Variants in CHLSN observed in about 807,000 individuals in gnomAD.
CHLSN encodes cholesin.
At chr7:1,061,548 G>T in the CHLSN span, among the ~76,000 whole-genome samples, 1 of 152,090 alleles carries the variant, frequency 6.6e-6, no homozygotes, top group African/African-American at 2.4e-5. Flanking sequence ...CTGCGTCGCT[G>T]ACTGTTCCTG....
chr7:1,091,677 C>T, the CHLSN span: 2 of 1,283,446 alleles, frequency 1.6e-6, no homozygotes. Context: ...CCATTTAAAA[C>T]AGAGCTCTGG....
At chr7:1,138,181 G>A in the CHLSN span, 1 of 151,886 alleles carries the variant, frequency 6.6e-6, no homozygotes, top group Non-Finnish European at 1.5e-5. Context: ...GCCGCCCCAC[G>A]CGCCTACCTG....
chr7:982,713 C>G, the CHLSN span, among the ~76,000 whole-genome samples: 1 of 152,240 alleles, frequency 6.6e-6, no homozygotes, highest in Non-Finnish European at 1.5e-5. Context: ...CCGTGGGGAG[C>G]TGATCAGAGA....
At chr7:1,123,997 G>A in the CHLSN span, among the ~76,000 whole-genome samples, 4 of 152,128 alleles carry the variant, frequency 2.6e-5, no homozygotes, top group Non-Finnish European at 4.4e-5. The surrounding 1 kb of genome is among the most constrained non-coding windows in gnomAD (Gnocchi z 4.4). Flanking sequence ...CCAACTCCAC[G>A]CCAGTGGCCG....
the CHLSN span, chr7:1,028,806 C>A: frequency 8.2e-6 from 7 of 855,246 alleles, no homozygotes; most frequent in South Asian, 3.3e-4. Flanking sequence ...CTCCCCCAAT[C>A]TGACTCCATG....
the CHLSN span, among the ~76,000 whole-genome samples, chr7:1,015,516 C>G: frequency 6.6e-6 from 1 of 152,260 alleles, no homozygotes; most frequent in South Asian, 2.1e-4. Context: ...TCTGTTCCAG[C>G]CAGACCTTCC....
the CHLSN span, among the ~76,000 whole-genome samples, chr7:1,109,997 G>A: frequency 6.6e-6 from 1 of 152,186 alleles, no homozygotes; most frequent in Non-Finnish European, 1.5e-5. Flanking sequence ...GTAATGAGCC[G>A]GAGGGCAGCG....
At chr7:984,432 G>T in the CHLSN span, 3 of 1,548,656 alleles carry the variant, frequency 1.9e-6, no homozygotes, top group Non-Finnish European at 2.6e-6. Context: ...GCTACGGGCC[G>T]GTGTTCACCG....
chr7:1,080,172 C>G, the CHLSN span, among the ~76,000 whole-genome samples: 2 of 152,240 alleles, frequency 1.3e-5, no homozygotes, highest in Non-Finnish European at 2.9e-5. Flanking sequence ...GCTAAATGTG[C>G]ACACACTGTA....
At chr7:1,007,673 G>A in the CHLSN span, among the ~76,000 whole-genome samples, 5 of 152,204 alleles carry the variant, frequency 3.3e-5, no homozygotes, top group Admixed American at 1.3e-4. Flanking sequence ...GGAAGGGGCT[G>A]CTTTGTTTCT....
At chr7:978,709 G>A in the CHLSN span, among the ~76,000 whole-genome samples, 1 of 152,242 alleles carries the variant, frequency 6.6e-6, no homozygotes, top group Non-Finnish European at 1.5e-5. Flanking sequence ...CTGACACAGA[G>A]AAACAGACTC....
chr7:1,116,443 C>T, the CHLSN span, among the ~76,000 whole-genome samples: 1 of 126,540 alleles, frequency 7.9e-6, no homozygotes, highest in Non-Finnish European at 1.6e-5. Flanking sequence ...CCATCACCGA[C>T]GTCCACGCAG....
At chr7:1,022,460 C>T in the CHLSN span, among the ~76,000 whole-genome samples, 10 of 152,262 alleles carry the variant, frequency 6.6e-5, no homozygotes, top group African/African-American at 1.2e-4. Flanking sequence ...TAGTAAACTG[C>T]TTTTTCTGAG....
the CHLSN span, among the ~76,000 whole-genome samples, chr7:1,080,015 C>G: frequency 1.1e-3 from 172 of 152,360 alleles, 7 homozygotes; most frequent in East Asian, 0.029. Flanking sequence ...GGCCGGAAAC[C>G]GGCCACCAAA....
At chr7:984,383 G>A in the CHLSN span, 3 of 1,541,992 alleles carry the variant, frequency 1.9e-6, no homozygotes. Flanking sequence ...GGTGAGGGCT[G>A]CCCGGGTGAC....
chr7:1,100,037 C>T, the CHLSN span, among the ~76,000 whole-genome samples: 1 of 152,176 alleles, frequency 6.6e-6, no homozygotes, highest in African/African-American at 2.4e-5. Flanking sequence ...ACATCTGAGC[C>T]CCCGTCCCCG....
the CHLSN span, among the ~76,000 whole-genome samples, chr7:1,103,226 G>C: frequency 0.23 from 34,935 of 152,176 alleles, 4,167 homozygotes; most frequent in Middle Eastern, 0.36. Flanking sequence ...TCCCACGCCC[G>C]ACCCTGTGGT....
the CHLSN span, among the ~76,000 whole-genome samples, chr7:1,053,376 G>A: frequency 1.1e-4 from 16 of 152,318 alleles, no homozygotes; most frequent in African/African-American, 2.6e-4. Flanking sequence ...TAATGTGCCC[G>A]GAACAGCTCA....
At chr7:1,066,509 C>T in the CHLSN span, among the ~76,000 whole-genome samples, 6 of 152,358 alleles carry the variant, frequency 3.9e-5, no homozygotes, top group African/African-American at 7.2e-5. Context: ...CGGGCCATTC[C>T]TTCCAGTAAG....
Sources: gnomAD v4.1 joint callset for allele counts (sites outside exome capture counted in the v4.1 genomes callset) on GRCh38, gnomAD v4.1.1 for gene constraint, Gnocchi (gnomAD v3.1) non-coding constraint, MANE v1.5 for transcripts, NCBI Gene and HGNC (gene_info 2026-07-23, HGNC 2026-07-21) for gene names.